The following CFHR5 variants were observed in gnomAD, a reference collection of about 807,000 sequenced individuals.
The protein encoded by CFHR5 is complement factor H related 5.
Under a neutral mutation model 62.9 loss-of-function variants are expected in CFHR5, and 73 were observed. The ratio of observed to expected loss-of-function variants is 1.16; its 90% confidence interval spans 0.96 to 1.41. CFHR5 has a LOEUF of 1.41. Ranked by LOEUF, CFHR5 falls within the 40% of genes most tolerant of loss-of-function variation. The probability of loss-of-function intolerance (pLI) is 0.00; values close to 1 mark genes in which losing one functional copy is unlikely to be tolerated. For synonymous variants in CFHR5, 249 were observed against 227.2 expected, an observed-to-expected ratio of 1.10 and a Z score of -0.86; for missense variants, 779 against 679.9, an observed-to-expected ratio of 1.15 and a Z score of -1.62.
chr1:196,986,385 T>A (rs1211826767), intron 3 of CFHR5, among the ~76,000 whole-genome samples: 1 of 152,050 alleles, frequency 6.6e-6, no homozygotes, highest in Admixed American at 6.6e-5. Flanking sequence ...TATATATATA[T>A]ATACTTTAAG....
chr1:196,979,870 TA>T (rs1398491014), intron 1 of CFHR5, among the ~76,000 whole-genome samples: 3 of 152,160 alleles, frequency 2.0e-5, no homozygotes, highest in Non-Finnish European at 4.4e-5. Flanking sequence ...AATAATAAAT[TA>T]ATTTATGATA....
intron 1 of CFHR5, 96 bp downstream of exon 1, chr1:196,977,818 T>A: frequency 3.2e-6 from 3 of 930,720 alleles, no homozygotes; most frequent in South Asian, 1.3e-5. Flanking sequence ...AATGAATAAA[T>A]AGCTGAGGAT....
chr1:196,990,547 C>T (rs1270870479), intron 3 of CFHR5, among the ~76,000 whole-genome samples: 1 of 152,092 alleles, frequency 6.6e-6, no homozygotes, highest in Non-Finnish European at 1.5e-5. Flanking sequence ...CCTTCAGGAG[C>T]TCTTGTAAGG....
chr1:196,997,468 A>G (rs1016235230), intron 6 of CFHR5, among the ~76,000 whole-genome samples: 5 of 152,122 alleles, frequency 3.3e-5, no homozygotes, highest in African/African-American at 1.2e-4. Flanking sequence ...CCTTTTACAC[A>G]CTAAGGAAAA....
At position 196,994,176 on chromosome 1, in the gene CFHR5, G is replaced by A. The variant is rs146658983; in HGVS notation, c.527G>A (p.Arg176Lys). 2 of 1,613,404 alleles carry A rather than the reference G, an allele frequency of 1.2e-6. No homozygotes were observed. The highest frequency in any genetic ancestry group is 2.2e-5 in the South Asian group (2 of 91,028). The change falls in exon 4 of 10, where the codon AGA (arginine) becomes AAA (lysine). Residue 176 changes from arginine to lysine, a missense_variant. Physicochemically the swap from Arg to Lys is conservative, Grantham distance 26. Transcript: ENST00000256785. ...GGAGACGTGTTGAAATTCTCCTGCA[G>A]AAAAAATCTTATAAGAGTTGGATCA... ...KVGDVLKFSC[R>K]KNLIRVGSDS... is the part of the protein sequence containing the mutation.
At chr1:196,983,631 T>C (rs1653600868) in intron 2 of CFHR5, among the ~76,000 whole-genome samples, 1 of 152,116 alleles carries the variant, frequency 6.6e-6, no homozygotes, top group African/African-American at 2.4e-5. Flanking sequence ...AAGGAGATAG[T>C]AATGGTCTTT....
In CFHR5 at chr1:197,002,669, G is replaced by A. The variant is rs1206688548; in HGVS notation, c.1330+5G>A. On this transcript the variant is annotated splice_donor_5th_base_variant and intron_variant, in intron 8 of 9. Coordinates refer to ENST00000256785, the MANE Select transcript of CFHR5 (RefSeq NM_030787.4). The stretch of plus-strand genomic sequence containing the variant: ...AATCATTACCACGCTGTGTTGGTTA[G>A]TAGTTTATTTCTAAGTAATTTCACT... 2.5e-6 allele frequency: 4 copies of A among 1,609,192 alleles called. No homozygotes were observed. The highest frequency in any genetic ancestry group is 1.7e-6 in the Non-Finnish European group (2 of 1,176,000).
Position 196,984,091 on chromosome 1 carries a change from G to C in CFHR5, c.384G>C (p.Ser128=), listed in dbSNP as rs147791058. Residue 128 remains serine (S), a synonymous_variant, in exon 3 of 10, where the codon TCG becomes TCC. Transcript: ENST00000256785. ...YSLQNNEKNI[S]CVERGWSTPP... ...TTCAAAACAATGAGAAAAACATTTCGTGTGTAGAACGGGGCTGGTCCACTC... is the reference window on the plus strand; with the variant it reads ...TTCAAAACAATGAGAAAAACATTTCCTGTGTAGAACGGGGCTGGTCCACTC... 1 of 1,613,742 alleles carries C rather than the reference G, an allele frequency of 6.2e-7. No homozygotes were observed. Among genetic ancestry groups the C allele is most frequent in the African/African-American group, 1.3e-5 (1 of 75,004 alleles).
upstream of CFHR5, among the ~76,000 whole-genome samples, chr1:196,976,999 G>C (rs570219061): frequency 3.3e-5 from 5 of 151,282 alleles, no homozygotes; most frequent in East Asian, 9.7e-4. Flanking sequence ...CAGTAGAGAC[G>C]GGTTTCACCG....
intron 2 of CFHR5, among the ~76,000 whole-genome samples, chr1:196,983,558 C>T (rs1340264251): frequency 1.3e-5 from 2 of 151,982 alleles, no homozygotes; most frequent in African/African-American, 4.8e-5. Flanking sequence ...AGAGACCAGA[C>T]TCCAATGATA....
At position 196,996,211 on chromosome 1, in the gene CFHR5, C is replaced by T; in HGVS notation, c.970+10C>T. The T allele has an allele frequency of 6.3e-7, 1 of 1,577,384 alleles. No individual in the cohort carries two copies. The highest frequency in any genetic ancestry group is 8.7e-7 in the Non-Finnish European group (1 of 1,146,926). On this transcript the variant is annotated intron_variant, in intron 6 of 9. Transcript: ENST00000256785. ...CTTCCTATGTGTGTTGGTGAGAAAA[C>T]ATTCCTAAACTTTATATTTGATTAT...
At chr1:196,977,292 G>GAAA (rs138249543), upstream of CFHR5, among the ~76,000 whole-genome samples, 1 of 141,116 alleles carries the variant, frequency 7.1e-6, no homozygotes, top group African/African-American at 2.5e-5. Context: ...CCCTTGGCTA[G>GAAA]AAAAAAAAAA....
At chr1:196,977,486 C>G (rs1045135848), upstream of CFHR5, 2 of 679,260 alleles carry the variant, frequency 2.9e-6, no homozygotes, top group Non-Finnish European at 5.5e-6. Context: ...ATACTATTTG[C>G]TTATTTCACA....
chr1:196,986,368 CTT>C (rs200164835), intron 3 of CFHR5, among the ~76,000 whole-genome samples: 5 of 150,954 alleles, frequency 3.3e-5, no homozygotes, highest in Non-Finnish European at 3.0e-5. Flanking sequence ...CGATTATTTT[CTT>C]TTTATATATA....
At position 197,008,753 on chromosome 1, in the gene CFHR5, A is replaced by C. The variant is rs887965185; in HGVS notation, c.*70A>C. On this transcript the variant is annotated 3_prime_UTR_variant, in exon 10 of 10. Transcript: ENST00000256785. Reference sequence around the variant, plus strand: ...TGCTAAAAGTAGCCATTATGTAGCCAATTCTGTAGTTACTTCTTTTATTCT... The same window carrying C: ...TGCTAAAAGTAGCCATTATGTAGCCCATTCTGTAGTTACTTCTTTTATTCT... 1.3e-4 allele frequency: 153 copies of C among 1,216,678 alleles called. No homozygotes were observed. Among genetic ancestry groups the C allele is most frequent in the Non-Finnish European group, 2.3e-5 (19 of 821,138 alleles). 75.4% of individuals were successfully genotyped at this position (1,216,678 alleles called of 1,614,324 possible).
At chr1:196,995,926 G>T in intron 5 of CFHR5, 27 bp downstream of exon 5, 10 of 1,599,644 alleles carry the variant, frequency 6.3e-6, no homozygotes, top group Non-Finnish European at 8.6e-6. Flanking sequence ...ATTTAAACAG[G>T]ACAGTTACTA....
intron 6 of CFHR5, among the ~76,000 whole-genome samples, 158 bp downstream of exon 6, chr1:196,996,359 A>G (rs1653990697): frequency 6.6e-6 from 1 of 152,048 alleles, no homozygotes; most frequent in Non-Finnish European, 1.5e-5. Context: ...CTTACATTAA[A>G]CTTTACCATA....
At chr1:196,975,592 G>A (rs75816959), upstream of CFHR5, among the ~76,000 whole-genome samples, 30,395 of 152,064 alleles carry the variant, frequency 0.2, 3,234 homozygotes, top group Middle Eastern at 0.34. Context: ...ACAGCAGGTA[G>A]TTTTCTTCTG....
intron 4 of CFHR5, among the ~76,000 whole-genome samples, 188 bp downstream of exon 4, chr1:196,994,444 C>A (rs1053840320): frequency 6.6e-6 from 1 of 152,088 alleles, no homozygotes; most frequent in Non-Finnish European, 1.5e-5. Flanking sequence ...AGGAGTAATT[C>A]TACTTCTGTG....
Sources: allele counts gnomAD v4.1 joint callset (sites outside exome capture counted in the v4.1 genomes callset), GRCh38; gene constraint gnomAD v4.1.1; transcripts MANE v1.5; gene names NCBI Gene and HGNC (gene_info 2026-07-23, HGNC 2026-07-21).